Variants in SLC35F2 observed in about 807,000 individuals in gnomAD.
SLC35F2 encodes the protein queuine/queuosine transporter SLC35F2.
SLC35F2 carries 25 observed loss-of-function variants against 38.1 expected under a neutral mutation model. The ratio of observed to expected loss-of-function variants is 0.66; its 90% CI spans 0.48 to 0.92. The LOEUF (loss-of-function observed/expected upper bound fraction) is 0.92, where lower values mean the gene tolerates loss of function less well. Ranked by LOEUF, SLC35F2 falls within the 40% of genes least tolerant of loss-of-function variation. The pLI is 0.00. For missense variants in SLC35F2, 409 were observed against 452.9 expected, an observed-to-expected ratio of 0.90 and a Z score of 0.88; for synonymous variants, 173 against 181.7, an observed-to-expected ratio of 0.95 and a Z score of 0.38.
intron 7 of SLC35F2, among the ~76,000 whole-genome samples, chr11:107,797,785 T>A (rs1400618029): frequency 1.3e-5 from 2 of 152,064 alleles, no homozygotes; most frequent in South Asian, 2.1e-4. Flanking sequence ...TAAATGATAA[T>A]GCAAAACCAA....
intron 1 of SLC35F2, among the ~76,000 whole-genome samples, chr11:107,834,425 T>C (rs978451237): frequency 1.3e-5 from 2 of 152,018 alleles, no homozygotes; most frequent in African/African-American, 4.8e-5. Flanking sequence ...CTAAGGTGGG[T>C]GGATCACTTG....
intron 1 of SLC35F2, among the ~76,000 whole-genome samples, chr11:107,830,585 A>G (rs2134823617): frequency 6.7e-6 from 1 of 149,034 alleles, no homozygotes; most frequent in East Asian, 1.9e-4. Flanking sequence ...CTCAGTCTCA[A>G]AAAAAAAAAA....
chr11:107,828,289 G>A (rs1206754543), intron 1 of SLC35F2, among the ~76,000 whole-genome samples: 1 of 151,964 alleles, frequency 6.6e-6, no homozygotes, highest in Non-Finnish European at 1.5e-5. Flanking sequence ...ACAAAAATTA[G>A]CTGTGCCAGT....
chr11:107,809,023 C>G (rs1297848732), intron 3 of SLC35F2, among the ~76,000 whole-genome samples: 4 of 152,188 alleles, frequency 2.6e-5, no homozygotes, highest in African/African-American at 9.7e-5. Flanking sequence ...GGCCCCGGCC[C>G]CACGCTGACC....
chr11:107,831,856 T>TC (rs1427589781), intron 1 of SLC35F2, among the ~76,000 whole-genome samples: 39 of 152,182 alleles, frequency 2.6e-4, no homozygotes, highest in Admixed American at 2.6e-3. Context: ...AGAACAGGAA[T>TC]CAAGAGGTTC....
At chr11:107,801,420 T>C (rs1404900710) in intron 7 of SLC35F2, among the ~76,000 whole-genome samples, 1 of 145,416 alleles carries the variant, frequency 6.9e-6, no homozygotes, top group Non-Finnish European at 1.5e-5. Flanking sequence ...CTTCTCACTA[T>C]TTTTTTATTT....
chr11:107,796,822 ACATACCCGTATAATT>A (rs1859224960), intron 7 of SLC35F2, among the ~76,000 whole-genome samples: 1 of 152,064 alleles, frequency 6.6e-6, no homozygotes, highest in South Asian at 2.1e-4. Context: ...GTGTGCACCA[ACATACCCGTATAATT>A]TTTGTATTTT....
intron 1 of SLC35F2, among the ~76,000 whole-genome samples, chr11:107,843,749 A>T (rs1215045502): frequency 6.7e-6 from 1 of 149,070 alleles, no homozygotes; most frequent in Non-Finnish European, 1.5e-5. Context: ...GCTACTCTGG[A>T]GGCCAAGGCA....
At chr11:107,806,655 T>C (rs1194529837) in intron 4 of SLC35F2, 62 bp downstream of exon 4, 1 of 1,476,008 alleles carries the variant, frequency 6.8e-7, no homozygotes, top group Non-Finnish European at 9.3e-7. Context: ...TTTGTTGATA[T>C]AAAAGTGAAA....
chr11:107,857,284 AAGGAAGGAGAGAGGGAAC>A lies in SLC35F2; in HGVS notation c.110+1356_110+1373del, dbSNP rs1454005783. On this transcript the variant is annotated intron_variant, in intron 1 of 7. Transcript: ENST00000525815. ...AACTGACTTGTGGAAGGAAGGACGGAAGGAAGGAGAGAGGGAACGAAGGAAGGAGAGAGGGAAGGAAGG... is the reference window on the plus strand; with the variant it reads ...AACTGACTTGTGGAAGGAAGGACGGAGAAGGAAGGAGAGAGGGAAGGAAGG... Among the ~76,000 whole-genome samples, 29 of 148,218 alleles carry A rather than the reference AAGGAAGGAGAGAGGGAAC, an allele frequency of 2.0e-4. No individual in the cohort carries two copies. In the East Asian group the frequency reaches 4.4e-3, roughly 22 times the overall value.
At chr11:107,856,828 C>G (rs1468365053) in intron 1 of SLC35F2, among the ~76,000 whole-genome samples, 2 of 103,730 alleles carry the variant, frequency 1.9e-5, no homozygotes, top group Admixed American at 2.4e-4. Flanking sequence ...AGAGGGAGAC[C>G]GGAGCACAGA....
intron 1 of SLC35F2, among the ~76,000 whole-genome samples, chr11:107,818,492 C>T (rs540047921): frequency 6.6e-6 from 1 of 152,262 alleles, no homozygotes; most frequent in African/African-American, 2.4e-5. Flanking sequence ...CTAATTAGAA[C>T]TTAGTATTTA....
chr11:107,808,394 A>G (rs1379281499), intron 3 of SLC35F2, among the ~76,000 whole-genome samples: 1 of 149,122 alleles, frequency 6.7e-6, no homozygotes, highest in African/African-American at 2.6e-5. Context: ...TAAATTCACA[A>G]ATTTAATGTG....
intron 3 of SLC35F2, among the ~76,000 whole-genome samples, chr11:107,807,374 C>A (rs565683806): frequency 6.6e-6 from 1 of 151,466 alleles, no homozygotes; most frequent in Non-Finnish European, 1.5e-5. Flanking sequence ...CACTTGAGCC[C>A]GGAGTTCAAG....
At position 107,858,682 on chromosome 11, in the gene SLC35F2, C is replaced by A; in HGVS notation, c.86G>T (p.Arg29Met). The change falls in exon 1 of 8, where the codon AGG becomes ATG. Residue 29 changes from arginine (R) to methionine (M), a missense_variant. Arg to Met is a moderately conservative substitution (Grantham distance 91). Coordinates refer to ENST00000525815, the MANE Select transcript of SLC35F2 (RefSeq NM_017515.5). Reference sequence around the variant, plus strand: ...CCAGGTGAAGAGTTTGCCTTTTATCCTGCGCAGCAGGCTGGAGAACTCGGC... The same window carrying A: ...CCAGGTGAAGAGTTTGCCTTTTATCATGCGCAGCAGGCTGGAGAACTCGGC... Reference protein sequence around the residue: ...AAAEFSSLLRRIKGKLFTWNI... With the variant: ...AAAEFSSLLRMIKGKLFTWNI... 1 of 1,302,160 alleles carries A rather than the reference C, an allele frequency of 7.7e-7. No homozygotes were observed. Among genetic ancestry groups the A allele is most frequent in the East Asian group, 2.8e-5 (1 of 35,190 alleles). 80.7% of individuals were successfully genotyped at this position (1,302,160 alleles called of 1,614,324 possible). A position where few individuals can be genotyped will look rare whatever the true frequency, so the allele number is the denominator to read the frequency against.
intron 1 of SLC35F2, among the ~76,000 whole-genome samples, chr11:107,847,375 C>T (rs1479233057): frequency 6.6e-6 from 1 of 152,268 alleles, no homozygotes; most frequent in East Asian, 1.9e-4. Flanking sequence ...CATAAAGGTA[C>T]CAAAACTTGC....
chr11:107,801,989 A>G (rs1859316556), intron 7 of SLC35F2, among the ~76,000 whole-genome samples: 3 of 152,150 alleles, frequency 2.0e-5, no homozygotes, highest in Admixed American at 6.6e-5. Flanking sequence ...CTATAATCCC[A>G]GCACTTTGGG....
intron 1 of SLC35F2, among the ~76,000 whole-genome samples, chr11:107,827,724 G>A (rs1859776517): frequency 6.7e-6 from 1 of 149,020 alleles, no homozygotes; most frequent in African/African-American, 2.5e-5. Flanking sequence ...ACTCCAGCCT[G>A]GGCGACAGAG....
rs1056558785 is a variant in SLC35F2 at position 107,805,682 on chromosome 11, G to A, written c.575-167C>T. 6.1e-6 allele frequency: 6 copies of A among 982,574 alleles called. No individual in the cohort carries two copies. The African/African-American group carries it at 8.8e-5, about 14-fold the overall frequency. The allele number at this position is 982,574 out of a possible 1,614,324, so 60.9% of individuals were successfully genotyped here. A position where few individuals can be genotyped will look rare whatever the true frequency, so the allele number is the denominator to read the frequency against. The stretch of plus-strand genomic sequence containing the variant: ...AGTGTGTGTGTGTGTATGTGTGTGT[G>A]TGTATGTGTGTGTTTGAGACAGTCT... On this transcript the variant is annotated intron_variant, in intron 4 of 7. Coordinates refer to ENST00000525815, the MANE Select transcript of SLC35F2 (RefSeq NM_017515.5).
Sources: allele counts gnomAD v4.1 joint callset (sites outside exome capture counted in the v4.1 genomes callset), GRCh38; gene constraint gnomAD v4.1.1; transcripts MANE v1.5; gene names NCBI Gene and HGNC (gene_info 2026-07-23, HGNC 2026-07-21).